The following STEAP1B variants were observed in gnomAD, a reference collection of about 807,000 sequenced individuals.
STEAP1B encodes the protein STEAP family member 1B, also known as STEAP family protein MGC87042.
In STEAP1B, 13 loss-of-function variants were observed where a neutral mutation model predicts 27.9. The ratio of observed to expected loss-of-function variants is 0.47; its 90% confidence interval spans 0.30 to 0.74. The LOEUF (loss-of-function observed/expected upper bound fraction) is 0.74. Among genes scored for constraint, STEAP1B ranks in the 30% least tolerant of loss-of-function variants. The probability of loss-of-function intolerance (pLI) is 0.06; values close to 1 mark genes in which losing one functional copy is unlikely to be tolerated. For missense variants in STEAP1B, 250 were observed against 298.7 expected (o/e 0.84, Z 1.20); for synonymous variants, 86 against 107.1 (o/e 0.80, Z 1.22).
intron 4 of STEAP1B, among the ~76,000 whole-genome samples, chr7:22,455,958 T>C (rs1025793364): frequency 6.6e-6 from 1 of 152,114 alleles, no homozygotes; most frequent in African/African-American, 2.4e-5. Context: ...CCATCCTGGC[T>C]AACACGGTGA....
chr7:22,423,291 A>G (rs539433296), intron 4 of STEAP1B, among the ~76,000 whole-genome samples: 1 of 152,342 alleles, frequency 6.6e-6, no homozygotes, highest in South Asian at 2.1e-4. Context: ...AAATAAAAAT[A>G]TATGTCCACT....
intron 4 of STEAP1B, among the ~76,000 whole-genome samples, chr7:22,457,058 A>G (rs1047086191): frequency 6.7e-6 from 1 of 149,056 alleles, no homozygotes; most frequent in Admixed American, 6.7e-5. Context: ...GAAGCTGGAC[A>G]GCGTCTTCCA....
intron 4 of STEAP1B, among the ~76,000 whole-genome samples, chr7:22,445,276 C>A (rs924435564): frequency 6.6e-6 from 1 of 152,230 alleles, no homozygotes; most frequent in African/African-American, 2.4e-5. Context: ...GGAAGAACAG[C>A]GAGAAATCTC....
At chr7:22,485,335 T>G (rs889737051) in intron 4 of STEAP1B, among the ~76,000 whole-genome samples, 5 of 152,216 alleles carry the variant, frequency 3.3e-5, no homozygotes, top group Non-Finnish European at 4.4e-5. Context: ...GCCATCAACA[T>G]TGAAGCAAGA....
chr7:22,444,521 A>G (rs973664145), intron 4 of STEAP1B, among the ~76,000 whole-genome samples: 3 of 152,022 alleles, frequency 2.0e-5, no homozygotes, highest in African/African-American at 7.3e-5. Flanking sequence ...GGGACCATGG[A>G]CTCTTTGCAG....
intron 4 of STEAP1B, among the ~76,000 whole-genome samples, chr7:22,457,048 G>A (rs1306488246): frequency 6.8e-6 from 1 of 147,448 alleles, no homozygotes; most frequent in East Asian, 2.0e-4. Context: ...ACAGCAATGT[G>A]AAGCTGGACA....
intron 4 of STEAP1B, among the ~76,000 whole-genome samples, chr7:22,436,207 A>T (rs1014639175): frequency 2.6e-5 from 4 of 152,190 alleles, no homozygotes; most frequent in African/African-American, 9.7e-5. Context: ...ATACTTTTTT[A>T]AAAAAATCAA....
chr7:22,435,642 T>C (rs1199918961), intron 4 of STEAP1B, among the ~76,000 whole-genome samples: 2 of 152,138 alleles, frequency 1.3e-5, no homozygotes, highest in Admixed American at 1.3e-4. Context: ...ACACATAAAA[T>C]CGTGAGAAAC....
chr7:22,445,509 T>C (rs116463022), intron 4 of STEAP1B, among the ~76,000 whole-genome samples: 235 of 152,362 alleles, frequency 1.5e-3, no homozygotes, highest in African/African-American at 5.3e-3. Context: ...AATACTCCTC[T>C]TGGCAGCCAG....
At chr7:22,443,958 C>T (rs1785371579) in intron 4 of STEAP1B, among the ~76,000 whole-genome samples, 2 of 152,236 alleles carry the variant, frequency 1.3e-5, no homozygotes, top group Non-Finnish European at 2.9e-5. Context: ...TAAACTGACC[C>T]TCAGGGGGTG....
intron 4 of STEAP1B, among the ~76,000 whole-genome samples, chr7:22,451,944 T>C (rs1785498530): frequency 6.6e-6 from 1 of 152,188 alleles, no homozygotes. Flanking sequence ...TTTTTTGCAT[T>C]AGTTTGAGTA....
chr7:22,448,531 T>A (rs1785440726), intron 4 of STEAP1B, among the ~76,000 whole-genome samples: 1 of 152,336 alleles, frequency 6.6e-6, no homozygotes, highest in Admixed American at 6.5e-5. Context: ...TTAATTTTTT[T>A]AATTTGCTAT....
chr7:22,458,440 AC>A (rs1364888919), intron 4 of STEAP1B, among the ~76,000 whole-genome samples: 1 of 152,056 alleles, frequency 6.6e-6, no homozygotes, highest in African/African-American at 2.4e-5. Context: ...AGCCACTTAT[AC>A]TGGCTTGCGA....
At chr7:22,491,079 T>C (rs1168226012) in intron 4 of STEAP1B, among the ~76,000 whole-genome samples, 1 of 152,228 alleles carries the variant, frequency 6.6e-6, no homozygotes, top group Non-Finnish European at 1.5e-5. Flanking sequence ...TTTTGAAAAG[T>C]AGCAACTCAT....
At chr7:22,470,918 C>T (rs1010873551) in intron 4 of STEAP1B, among the ~76,000 whole-genome samples, 1 of 152,258 alleles carries the variant, frequency 6.6e-6, no homozygotes, top group East Asian at 1.9e-4. Context: ...CCCTCATAAT[C>T]CCTTACTCTA....
rs947801107 is a variant in STEAP1B, at chr7:22,447,952, C to T, written c.763-28116G>A. On this transcript the variant is annotated intron_variant, in intron 4 of 4. Transcript: ENST00000678116. Reference sequence around the variant, plus strand: ...CAAAGACATGAAGGCATTGGATAAACGTCATGCAACCCATATTGGTTTCAT... The same window carrying T: ...CAAAGACATGAAGGCATTGGATAAATGTCATGCAACCCATATTGGTTTCAT... 3.3e-5 allele frequency among the ~76,000 whole-genome samples: 5 copies of T among 152,308 alleles called. No individual in the cohort carries two copies. The East Asian group carries it at 5.8e-4, about 18-fold the overall frequency.
intron 4 of STEAP1B, among the ~76,000 whole-genome samples, chr7:22,460,023 G>A (rs1363987480): frequency 1.3e-5 from 2 of 152,110 alleles, no homozygotes; most frequent in Non-Finnish European, 1.5e-5. Flanking sequence ...TAAGATATGA[G>A]GAAAGGCTGG....
chr7:22,474,895 T>C (rs1398259808), intron 4 of STEAP1B, among the ~76,000 whole-genome samples: 2 of 152,216 alleles, frequency 1.3e-5, no homozygotes, highest in African/African-American at 2.4e-5. Context: ...GTGTGAACAT[T>C]TGCCCACAGA....
chr7:22,440,822 AG>A (rs1373092698), intron 4 of STEAP1B, among the ~76,000 whole-genome samples: 2 of 151,982 alleles, frequency 1.3e-5, no homozygotes, highest in African/African-American at 4.8e-5. Context: ...ACTGCATTAC[AG>A]GTAGATATGA....
Sources: gnomAD v4.1 joint callset for allele counts (sites outside exome capture counted in the v4.1 genomes callset) on GRCh38, gnomAD v4.1.1 for gene constraint, MANE v1.5 for transcripts, NCBI Gene and HGNC (gene_info 2026-07-23, HGNC 2026-07-21) for gene names.